The following PAPPA2 variants were observed in gnomAD, a reference collection of about 807,000 sequenced individuals.
PAPPA2 encodes pappalysin 2, also known as pappalysin-2.
In PAPPA2, 86 loss-of-function variants were observed where a neutral mutation model predicts 176.4. The ratio of observed to expected loss-of-function variants is 0.49; its 90% CI spans 0.41 to 0.58. PAPPA2 has a LOEUF of 0.58. Ranked by LOEUF, PAPPA2 falls within the 20% of genes least tolerant of loss-of-function variation. PAPPA2 has a pLI of 0.00. For missense variants in PAPPA2, 2,073 were observed against 2,256.9 expected, an observed-to-expected ratio of 0.92 and a Z score of 1.65; for synonymous variants, 809 against 852.2, an observed-to-expected ratio of 0.95 and a Z score of 0.88.
At position 176,623,749 on chromosome 1, in the gene PAPPA2, TC is replaced by T. The variant is rs1294770799; in HGVS notation, c.1991+28156del. ...TTCTCTTTCTTTCTTTCTCTCTCTT[TC>T]CTTCCTTCCTTTCTTTCTTTCTTTC... On this transcript the variant is annotated intron_variant, in intron 3 of 22. Coordinates refer to ENST00000367662, the MANE Select transcript of PAPPA2 (RefSeq NM_020318.3). Among the ~76,000 whole-genome samples the T allele has an allele frequency of 3.0e-5, 3 of 99,764 alleles. No homozygotes were observed. The East Asian group carries it at 7.8e-4, about 26-fold the overall frequency. The allele number at this position is 99,764 out of a possible 152,430, so 65.4% of individuals were successfully genotyped here.
At chr1:176,543,921 A>G (rs1298533900) in intron 1 of PAPPA2, among the ~76,000 whole-genome samples, 1 of 152,202 alleles carries the variant, frequency 6.6e-6, no homozygotes, top group Non-Finnish European at 1.5e-5. Context: ...TCAAGGCTGT[A>G]AGGGAGGGTG....
At chr1:176,466,679 A>G (rs920457340) in intron 1 of PAPPA2, among the ~76,000 whole-genome samples, 1 of 152,176 alleles carries the variant, frequency 6.6e-6, no homozygotes, top group African/African-American at 2.4e-5. Context: ...AAGGCTTTCT[A>G]GGTGCAGAGA....
chr1:176,769,104 G>A (rs1282967635), intron 15 of PAPPA2, among the ~76,000 whole-genome samples: 1 of 152,222 alleles, frequency 6.6e-6, no homozygotes, highest in African/African-American at 2.4e-5. Flanking sequence ...TCACAGGAAG[G>A]AGCAGAAACT....
At chr1:176,743,087 C>A (rs1290639337) in intron 14 of PAPPA2, among the ~76,000 whole-genome samples, 1 of 152,140 alleles carries the variant, frequency 6.6e-6, no homozygotes, top group African/African-American at 2.4e-5. Context: ...TAGCTACTAA[C>A]AACACAGAAT....
At chr1:176,588,794 G>A (rs550002925) in intron 2 of PAPPA2, among the ~76,000 whole-genome samples, 31 of 152,298 alleles carry the variant, frequency 2.0e-4, no homozygotes, top group East Asian at 3.9e-4. Context: ...CTAGCCAGGG[G>A]TGTGGGCATA....
chr1:176,843,397 T>C lies in PAPPA2; in HGVS notation c.*943T>C, dbSNP rs1040562384. 2.6e-5 allele frequency: 4 copies of C among 152,136 alleles called. No homozygotes were observed. Among genetic ancestry groups the C allele is most frequent in the Non-Finnish European group, 5.9e-5 (4 of 68,026 alleles). The allele number at this position is 152,136 out of a possible 1,614,324, so 9.4% of individuals were successfully genotyped here. ...CTTGAATATCTGTCCACAAAGAATA[T>C]ACTAACTTTTGTCAACTTCTCAGAA... On this transcript the variant is annotated 3_prime_UTR_variant, in exon 23 of 23. Transcript: ENST00000367662.
intron 3 of PAPPA2, among the ~76,000 whole-genome samples, chr1:176,634,481 C>A (rs1414063458): frequency 6.6e-6 from 1 of 151,938 alleles, no homozygotes; most frequent in Non-Finnish European, 1.5e-5. Context: ...AGGAGATATA[C>A]CTAATGTAAA....
chr1:176,578,687 G>T (rs551383687), intron 2 of PAPPA2, among the ~76,000 whole-genome samples: 1 of 152,120 alleles, frequency 6.6e-6, no homozygotes, highest in Non-Finnish European at 1.5e-5. Flanking sequence ...GAAACTTAAG[G>T]TAAGTTTTGA....
At chr1:176,595,870 C>T (rs1200572819) in intron 3 of PAPPA2, among the ~76,000 whole-genome samples, 1 of 152,110 alleles carries the variant, frequency 6.6e-6, no homozygotes, top group South Asian at 2.1e-4. Flanking sequence ...AGCATATGCA[C>T]CAGGTACTTG....
chr1:176,787,713 T>A (rs1405735052), intron 17 of PAPPA2, among the ~76,000 whole-genome samples: 1 of 151,888 alleles, frequency 6.6e-6, no homozygotes, highest in Non-Finnish European at 1.5e-5. Flanking sequence ...ATGTGAGGTC[T>A]TCGAGAAATT....
chr1:176,739,299 T>G (rs940411122), intron 12 of PAPPA2, among the ~76,000 whole-genome samples: 1 of 152,186 alleles, frequency 6.6e-6, no homozygotes, highest in African/African-American at 2.4e-5. Flanking sequence ...AGTCATTTAT[T>G]GTCTCTGGCA....
intron 21 of PAPPA2, among the ~76,000 whole-genome samples, chr1:176,839,738 A>T (rs1421329198): frequency 6.6e-6 from 1 of 152,176 alleles, no homozygotes; most frequent in Non-Finnish European, 1.5e-5. Flanking sequence ...TGACCTGGGC[A>T]ATTCTTATCA....
At chr1:176,501,084 T>C (rs1026048029) in intron 1 of PAPPA2, among the ~76,000 whole-genome samples, 1 of 148,394 alleles carries the variant, frequency 6.7e-6, no homozygotes, top group Middle Eastern at 3.3e-3. Context: ...AATATATTAA[T>C]ATTTATAATA....
At chr1:176,560,786 G>T (rs942697737) in intron 2 of PAPPA2, among the ~76,000 whole-genome samples, 21 of 152,314 alleles carry the variant, frequency 1.4e-4, no homozygotes, top group African/African-American at 5.1e-4. Context: ...CAAAAGAGAA[G>T]ATTTTAATAG....
At chr1:176,476,199 A>G (rs998479830) in intron 1 of PAPPA2, among the ~76,000 whole-genome samples, 2 of 152,190 alleles carry the variant, frequency 1.3e-5, no homozygotes, top group Non-Finnish European at 2.9e-5. Context: ...TCTCCTTCCA[A>G]TACTCCAATG....
chr1:176,604,065 C>A (rs1425779995), intron 3 of PAPPA2, among the ~76,000 whole-genome samples: 3 of 152,184 alleles, frequency 2.0e-5, no homozygotes, highest in African/African-American at 4.8e-5. Context: ...ACTCCTACTG[C>A]ATGATCTTTT....
intron 2 of PAPPA2, among the ~76,000 whole-genome samples, 189 bp from the exon 3 acceptor site, chr1:176,594,334 GA>G (rs1653825064): frequency 6.6e-6 from 1 of 152,232 alleles, no homozygotes; most frequent in African/African-American, 2.4e-5. Flanking sequence ...TCCTTTTGGG[GA>G]TAGGATATGC....
chr1:176,753,474 C>G (rs912996102), intron 14 of PAPPA2, among the ~76,000 whole-genome samples: 2 of 151,428 alleles, frequency 1.3e-5, no homozygotes, highest in African/African-American at 4.9e-5. Context: ...CCTTTCCAGC[C>G]TTCTTCTTCC....
rs370618435 is a variant in PAPPA2, at chr1:176,556,767, G to C, written c.445G>C (p.Gly149Arg). The change falls in exon 2 of 23, where the codon GGC becomes CGC. Residue 149 changes from glycine to arginine, a missense_variant. This residue lies in a region of PAPPA2 where 1,196 missense variants were observed against 1,330.4 expected (regional missense o/e 0.90). Coordinates refer to ENST00000367662, the MANE Select transcript of PAPPA2 (RefSeq NM_020318.3). ...GCTGGGAGATGATGACGCTTATCTC[G>C]GCAATCAAAGATCCAAGGAGTCTCT... ...ELLGDDDAYL[G>R]NQRSKESLGE... 6.2e-7 allele frequency: 1 copy of C among 1,614,044 alleles called. No homozygotes were observed. Among genetic ancestry groups the C allele is most frequent in the Non-Finnish European group, 8.5e-7 (1 of 1,180,016 alleles).
Sources: allele counts gnomAD v4.1 joint callset (sites outside exome capture counted in the v4.1 genomes callset), GRCh38; gene constraint gnomAD v4.1.1; regional missense constraint gnomAD v4.1.1; transcripts MANE v1.5; gene names NCBI Gene and HGNC (gene_info 2026-07-23, HGNC 2026-07-21).